Variants in FAM47E observed in about 807,000 individuals in gnomAD.
FAM47E encodes family with sequence similarity 47 member E.
In FAM47E, 32 loss-of-function variants were observed where a neutral mutation model predicts 41.6. That is an observed-to-expected ratio of 0.77 (90% CI 0.58 to 1.03). The LOEUF (loss-of-function observed/expected upper bound fraction) is 1.03. Among genes scored for constraint, FAM47E ranks in the 50% least tolerant of loss-of-function variants. FAM47E has a pLI of 0.00. For missense variants in FAM47E, 424 were observed against 485.4 expected, an observed-to-expected ratio of 0.87 and a Z score of 1.19; for synonymous variants, 184 against 188.7, an observed-to-expected ratio of 0.98 and a Z score of 0.20.
At chr4:76,251,662 G>T, upstream of FAM47E, 1 of 1,361,504 alleles carries the variant, frequency 7.3e-7, no homozygotes, top group Non-Finnish European at 9.4e-7. Context: ...CGGCAGCGGT[G>T]GTTGTGCGGT....
chr4:76,215,255 C>T lies in FAM47E; in HGVS notation c.-30+831C>T, dbSNP rs182932808. On this transcript the variant is annotated intron_variant, in intron 1 of 7. Transcript: ENST00000510197. ...TTTCTTGGCAACTATAGTGTATTAT[C>T]CTCATTTTACACTCAAGAACACTGG... Among the ~76,000 whole-genome samples, 797 of 152,330 alleles carry T rather than the reference C, an allele frequency of 5.2e-3. 7 individuals carry two copies. The highest frequency in any genetic ancestry group is 8.6e-3 in the Non-Finnish European group (588 of 68,038).
intron 2 of FAM47E, among the ~76,000 whole-genome samples, chr4:76,236,044 G>A (rs576057541): frequency 2.0e-5 from 3 of 152,190 alleles, no homozygotes; most frequent in Non-Finnish European, 4.4e-5. Flanking sequence ...TGTGGCACCA[G>A]AGCAAAGTAT....
intron 2 of FAM47E, among the ~76,000 whole-genome samples, chr4:76,261,711 T>C (rs1233797496): frequency 6.6e-6 from 1 of 152,100 alleles, no homozygotes; most frequent in Non-Finnish European, 1.5e-5. Context: ...AAAAACTACC[T>C]ATGGGGTACT....
chr4:76,277,834 C>G (rs935410316), intron 5 of FAM47E, among the ~76,000 whole-genome samples: 1 of 152,162 alleles, frequency 6.6e-6, no homozygotes, highest in African/African-American at 2.4e-5. Context: ...GGATTTGAAC[C>G]CTGGTCTGTC....
At chr4:76,275,612 G>T (rs1442528511) in intron 5 of FAM47E, among the ~76,000 whole-genome samples, 1 of 152,152 alleles carries the variant, frequency 6.6e-6, no homozygotes, top group Non-Finnish European at 1.5e-5. Flanking sequence ...ATAGCGAAAT[G>T]ATGTCATGGT....
intron 2 of FAM47E, among the ~76,000 whole-genome samples, chr4:76,259,974 A>C (rs1406917923): frequency 1.3e-5 from 2 of 152,212 alleles, no homozygotes; most frequent in African/African-American, 4.8e-5. Flanking sequence ...ATTGCCACAA[A>C]AAACTAAAAT....
chr4:76,247,633 C>A (rs1012315522), upstream of FAM47E, among the ~76,000 whole-genome samples: 1 of 152,106 alleles, frequency 6.6e-6, no homozygotes, highest in Non-Finnish European at 1.5e-5. Flanking sequence ...ATTATTATAA[C>A]CATCCTAATT....
chr4:76,218,208 T>C (rs1220145157), intron 2 of FAM47E, among the ~76,000 whole-genome samples: 1 of 152,198 alleles, frequency 6.6e-6, no homozygotes, highest in Admixed American at 6.5e-5. Context: ...TTTCTTCTTA[T>C]TGAAGGTGAT....
chr4:76,236,416 C>T (rs1327872006), intron 2 of FAM47E: 1 of 152,104 alleles, frequency 6.6e-6, no homozygotes, highest in African/African-American at 2.4e-5. Context: ...CCTGATAGAA[C>T]CCACATCTGG....
intron 2 of FAM47E, among the ~76,000 whole-genome samples, chr4:76,237,224 T>C (rs1294378967): frequency 2.6e-5 from 4 of 152,036 alleles, no homozygotes. Flanking sequence ...ATTTAAAGTC[T>C]GTGTTGATGT....
chr4:76,263,610 A>G (rs1734507970), intron 2 of FAM47E, 94 bp from the exon 3 acceptor site: 7 of 1,459,256 alleles, frequency 4.8e-6, no homozygotes, highest in Non-Finnish European at 6.4e-6. Context: ...TGAAAAGGAA[A>G]AGTGAAGGGC....
At chr4:76,243,226 T>C (rs564858828) in intron 2 of FAM47E, among the ~76,000 whole-genome samples, 1 of 152,342 alleles carries the variant, frequency 6.6e-6, no homozygotes, top group Admixed American at 6.5e-5. Flanking sequence ...GTCTATGGTA[T>C]TTTGTTATAG....
At chr4:76,275,549 C>G (rs1471247373) in intron 5 of FAM47E, among the ~76,000 whole-genome samples, 1 of 152,108 alleles carries the variant, frequency 6.6e-6, no homozygotes, top group Non-Finnish European at 1.5e-5. Context: ...AGGACTGTTT[C>G]CTGCACTTAT....
intron 1 of FAM47E, 125 bp downstream of exon 1, chr4:76,251,945 TC>T (rs1733982938): frequency 3.3e-6 from 4 of 1,223,752 alleles, no homozygotes; most frequent in Middle Eastern, 2.9e-4. Context: ...CCTCAATGCT[TC>T]CTGTACGTAC....
At chr4:76,251,590 T>C, upstream of FAM47E, 1 of 1,303,922 alleles carries the variant, frequency 7.7e-7, no homozygotes. Flanking sequence ...TCCCCAGGCG[T>C]CGGAGAAGGG....
Position 76,283,620 on chromosome 4 carries a change from CATTTCTCAATGG to C in FAM47E, c.*169_*180del. On this transcript the variant is annotated 3_prime_UTR_variant, in exon 8 of 8. Transcript: ENST00000424749. The stretch of plus-strand genomic sequence containing the variant: ...AAATGTAATACCTGATGGTTATAAG[CATTTCTCAATGG>C]ATTTCTGCTTCAGTTAATCAACATT... The C allele has an allele frequency of 1.8e-6, 1 of 542,198 alleles. No homozygotes were observed. Among genetic ancestry groups the C allele is most frequent in the Non-Finnish European group, 3.3e-6 (1 of 301,852 alleles). 33.6% of individuals were successfully genotyped at this position (542,198 alleles called of 1,614,324 possible).
intron 2 of FAM47E, among the ~76,000 whole-genome samples, chr4:76,234,700 A>G (rs1195045893): frequency 6.6e-6 from 1 of 152,222 alleles, no homozygotes; most frequent in Non-Finnish European, 1.5e-5. Flanking sequence ...ACTTAAAGCC[A>G]GGAATTCAAG....
chr4:76,258,620 T>C (rs542303442), intron 2 of FAM47E, among the ~76,000 whole-genome samples: 13 of 152,300 alleles, frequency 8.5e-5, no homozygotes, highest in African/African-American at 3.1e-4. Context: ...GTCCAGGTGA[T>C]GGGAGGTTTA....
exon 1 of FAM47E, chr4:76,214,374 TGG>T: frequency 2.3e-6 from 1 of 443,154 alleles, no homozygotes; most frequent in Admixed American, 2.5e-5. Context: ...TGTGCAAGAA[TGG>T]AAGATGTGCA....
Sources: allele counts gnomAD v4.1 joint callset (sites outside exome capture counted in the v4.1 genomes callset), GRCh38; gene constraint gnomAD v4.1.1; transcripts MANE v1.5; gene names NCBI Gene and HGNC (gene_info 2026-07-23, HGNC 2026-07-21).